The following PDS5A variants were observed in gnomAD, a reference collection of about 807,000 sequenced individuals.
PDS5A encodes sister chromatid cohesion protein PDS5 homolog A.
Under a neutral mutation model 167.1 loss-of-function variants are expected in PDS5A, and 42 were observed. The observed-to-expected ratio is 0.25, with a 90% CI of 0.20 to 0.33. The LOEUF is 0.33. PDS5A is among the 10% of genes least tolerant of loss of function. The pLI, the probability that PDS5A is intolerant of heterozygous loss-of-function variation, is 1.00. For synonymous variants in PDS5A, 553 were observed against 554.6 expected, an observed-to-expected ratio of 1.00 and a Z score of 0.04; for missense variants, 1,033 against 1,605.9, an observed-to-expected ratio of 0.64 and a Z score of 6.10.
At position 39,962,214 on chromosome 4, in the gene PDS5A, C is replaced by T. The variant is rs577696507; in HGVS notation, c.138+14226G>A. The stretch of plus-strand genomic sequence containing the variant: ...CTGGGACTACAGACACAGTCCGCCA[C>T]GCTCGACTAATTTTTGTATTTTTAG... On this transcript the variant is annotated intron_variant, in intron 2 of 32. Coordinates refer to ENST00000303538, the MANE Select transcript of PDS5A (RefSeq NM_001100399.2). Among the ~76,000 whole-genome samples the T allele has an allele frequency of 2.0e-4, 30 of 152,206 alleles. No individual in the cohort carries two copies. The East Asian group carries it at 5.3e-3, about 27-fold the overall frequency.
At chr4:39,923,646 C>CACACAAACACACAA (rs771012710) in intron 5 of PDS5A, among the ~76,000 whole-genome samples, 210 of 151,122 alleles carry the variant, frequency 1.4e-3, no homozygotes, top group Middle Eastern at 3.4e-3. Flanking sequence ...AAAACACACA[C>CACACAAACACACAA]ACACACACAC....
chr4:39,976,418 C>T (rs369964720), intron 2 of PDS5A, 22 bp downstream of exon 2: 1 of 1,602,342 alleles, frequency 6.2e-7, no homozygotes, highest in Admixed American at 1.7e-5. Flanking sequence ...CCAAAGACAT[C>T]AAAATCCGTC....
At chr4:39,915,896 T>A (rs1192494567) in intron 8 of PDS5A, among the ~76,000 whole-genome samples, 1 of 152,120 alleles carries the variant, frequency 6.6e-6, no homozygotes, top group East Asian at 1.9e-4. Flanking sequence ...ACTACAGAAG[T>A]AAAACTAACT....
Position 39,837,915 on chromosome 4 carries a change from G to C in PDS5A, c.3951C>G (p.Pro1317=). The C allele has an allele frequency of 6.2e-7, 1 of 1,613,810 alleles. No homozygotes were observed. The highest frequency in any genetic ancestry group is 8.5e-7 in the Non-Finnish European group (1 of 1,179,844). Residue 1317 remains proline (P), a synonymous_variant, in exon 32 of 33, where the codon CCC becomes CCG. Transcript: ENST00000303538. ...GGLEAGNAKA[P]KLQDLAKKAA... ...CCTTTTTGGCTAAATCTTGCAGTTT[G>C]GGTGCTTTGGCATTACCTGCTTCCA...
chr4:39,970,672 G>C (rs2109825383), intron 2 of PDS5A, among the ~76,000 whole-genome samples: 1 of 151,594 alleles, frequency 6.6e-6, no homozygotes, highest in African/African-American at 2.4e-5. Context: ...TTTTGGTAAA[G>C]GTTACTTGAA....
chr4:39,942,758 G>T (rs575343264), intron 2 of PDS5A, among the ~76,000 whole-genome samples: 1 of 152,168 alleles, frequency 6.6e-6, no homozygotes, highest in Admixed American at 6.6e-5. Context: ...TGACTCCTTC[G>T]TACTGGAAAC....
intron 16 of PDS5A, among the ~76,000 whole-genome samples, chr4:39,896,764 T>TA (rs973503137): frequency 5.4e-4 from 75 of 139,720 alleles, no homozygotes; most frequent in Non-Finnish European, 6.1e-4. Context: ...AAACCCTGTT[T>TA]AAAAAAAAAA....
intron 30 of PDS5A, among the ~76,000 whole-genome samples, chr4:39,842,909 T>TATATATA (rs1717167841): frequency 4.0e-4 from 37 of 92,306 alleles, no homozygotes; most frequent in East Asian, 7.7e-4. Context: ...TATCCTATTT[T>TATATATA]TATATATATA....
intron 2 of PDS5A, among the ~76,000 whole-genome samples, chr4:39,944,021 C>CA (rs1560505349): frequency 1.3e-5 from 2 of 150,602 alleles, no homozygotes; most frequent in South Asian, 4.2e-4. Context: ...ACTAAAAAAA[C>CA]AAAAAAATTA....
chr4:39,916,262 A>ACAAATAGCAG (rs1223121030), intron 8 of PDS5A, among the ~76,000 whole-genome samples: 2 of 152,144 alleles, frequency 1.3e-5, no homozygotes, highest in Non-Finnish European at 1.5e-5. Flanking sequence ...TCAAGGCAGT[A>ACAAATAGCAG]TTAAACTTTT....
rs548884579 is a variant in PDS5A at position 39,879,158 on chromosome 4, G to GCCTTCA, written c.1992+564_1992+569dup. 8.3e-4 allele frequency among the ~76,000 whole-genome samples: 126 copies of GCCTTCA among 152,014 alleles called. 1 individual carries two copies. The highest frequency in any genetic ancestry group is 2.9e-3 in the African/African-American group (122 of 41,468). ...TGTCACAGTGGTATCATGTCTCTTT[G>GCCTTCA]CCTTCAATTTCTTCCCTTCTTTTAC... On this transcript the variant is annotated intron_variant, in intron 18 of 32. Transcript: ENST00000303538.
intron 19 of PDS5A, among the ~76,000 whole-genome samples, chr4:39,876,715 C>T (rs1427070823): frequency 6.6e-6 from 1 of 151,972 alleles, no homozygotes; most frequent in African/African-American, 2.4e-5. Flanking sequence ...TATAATAAAA[C>T]ACTAAATTCT....
At chr4:39,972,103 G>A (rs552722080) in intron 2 of PDS5A, among the ~76,000 whole-genome samples, 26 of 152,246 alleles carry the variant, frequency 1.7e-4, no homozygotes, top group East Asian at 1.2e-3. Flanking sequence ...AATCAAACTC[G>A]ATGCTCATTC....
chr4:39,881,051 T>C (rs1720884885), intron 17 of PDS5A, among the ~76,000 whole-genome samples: 1 of 152,186 alleles, frequency 6.6e-6, no homozygotes, highest in Admixed American at 6.5e-5. Context: ...TGAGAACATC[T>C]GGTATTTAAC....
chr4:39,827,565 G>A (rs1304574776), intron 32 of PDS5A, among the ~76,000 whole-genome samples: 1 of 152,138 alleles, frequency 6.6e-6, no homozygotes, highest in Non-Finnish European at 1.5e-5. Flanking sequence ...AACACATGAG[G>A]ATACACATTT....
At chr4:39,875,255 G>A (rs959526870) in intron 19 of PDS5A, among the ~76,000 whole-genome samples, 1 of 152,018 alleles carries the variant, frequency 6.6e-6, no homozygotes, top group East Asian at 1.9e-4. Flanking sequence ...AAAATAGTGT[G>A]CATATATGAA....
At chr4:39,883,021 A>G (rs915355098) in intron 17 of PDS5A, among the ~76,000 whole-genome samples, 4 of 152,128 alleles carry the variant, frequency 2.6e-5, no homozygotes, top group Admixed American at 2.6e-4. Context: ...CTAATTTTCC[A>G]TACCTAATCT....
intron 8 of PDS5A, 41 bp from the exon 9 acceptor site, chr4:39,913,767 A>C: frequency 1.0e-6 from 1 of 987,012 alleles, no homozygotes; most frequent in Non-Finnish European, 1.6e-6. Flanking sequence ...AGCTTTATTC[A>C]CCAGATTACA....
chr4:39,891,762 A>C (rs773595445), intron 16 of PDS5A, among the ~76,000 whole-genome samples: 2 of 152,196 alleles, frequency 1.3e-5, no homozygotes, highest in Non-Finnish European at 2.9e-5. Flanking sequence ...TTAGAATTTT[A>C]TTTATAAGTT....
Sources: allele counts gnomAD v4.1 joint callset (sites outside exome capture counted in the v4.1 genomes callset), GRCh38; gene constraint gnomAD v4.1.1; transcripts MANE v1.5; gene names NCBI Gene and HGNC (gene_info 2026-07-23, HGNC 2026-07-21).